The following SLC25A26 variants were observed in gnomAD, a reference collection of about 807,000 sequenced individuals.
SLC25A26 encodes the protein mitochondrial S-adenosylmethionine carrier protein.
Under a neutral mutation model 37.8 loss-of-function variants are expected in SLC25A26, and 36 were observed. The observed-to-expected ratio is 0.95, with a 90% confidence interval of 0.73 to 1.26. The LOEUF (loss-of-function observed/expected upper bound fraction) is 1.26, where lower values mean the gene tolerates loss of function less well. Ranked by LOEUF, SLC25A26 falls within the 50% of genes most tolerant of loss-of-function variation. SLC25A26 has a pLI of 0.00. For missense variants in SLC25A26, 390 were observed against 331.1 expected, an observed-to-expected ratio of 1.18 and a Z score of -1.38; for synonymous variants, 129 against 122.5, an observed-to-expected ratio of 1.05 and a Z score of -0.35.
intron 1 of SLC25A26, among the ~76,000 whole-genome samples, chr3:66,186,480 T>G (rs2070830120): frequency 6.6e-6 from 1 of 152,138 alleles, no homozygotes; most frequent in African/African-American, 2.4e-5. Flanking sequence ...ATCATCACTC[T>G]GACCCTGACC....
At chr3:66,285,978 C>G (rs2074500152) in intron 5 of SLC25A26, among the ~76,000 whole-genome samples, 1 of 152,176 alleles carries the variant, frequency 6.6e-6, no homozygotes. Context: ...TGTTGAACAT[C>G]TTTTCATATG....
chr3:66,243,156 A>C, intron 2 of SLC25A26, 47 bp from the exon 3 acceptor site: 1 of 885,478 alleles, frequency 1.1e-6, no homozygotes, highest in Non-Finnish European at 1.9e-6. Context: ...TAACAGTGTG[A>C]ATATATGTTT....
chr3:66,194,716 G>C (rs893996783), intron 1 of SLC25A26, among the ~76,000 whole-genome samples: 3 of 152,166 alleles, frequency 2.0e-5, no homozygotes, highest in Non-Finnish European at 4.4e-5. Flanking sequence ...ATTCTCCTGA[G>C]TCAGCCTCCC....
At chr3:66,276,438 A>G (rs2074149968) in intron 5 of SLC25A26, among the ~76,000 whole-genome samples, 2 of 152,128 alleles carry the variant, frequency 1.3e-5, no homozygotes, top group African/African-American at 2.4e-5. Flanking sequence ...GACTTGAACC[A>G]AATCTTGACC....
At chr3:66,305,549 C>A (rs1271836995) in intron 5 of SLC25A26, among the ~76,000 whole-genome samples, 1 of 152,094 alleles carries the variant, frequency 6.6e-6, no homozygotes, top group Non-Finnish European at 1.5e-5. Context: ...CTGCACCTGT[C>A]AACCCATCAC....
chr3:66,138,768 C>G (rs1451662322), intron 1 of SLC25A26, among the ~76,000 whole-genome samples: 1 of 152,062 alleles, frequency 6.6e-6, no homozygotes, highest in Non-Finnish European at 1.5e-5. Context: ...GTCCTGGATA[C>G]GGGCATCGGT....
chr3:66,136,409 G>C (rs1032665296), intron 1 of SLC25A26, among the ~76,000 whole-genome samples: 17 of 152,136 alleles, frequency 1.1e-4, no homozygotes, highest in African/African-American at 3.4e-4. Context: ...ACTCTCCATT[G>C]GCCTATAGAT....
At chr3:66,326,703 A>G (rs1207214749) in intron 5 of SLC25A26, among the ~76,000 whole-genome samples, 1 of 152,184 alleles carries the variant, frequency 6.6e-6, no homozygotes, top group African/African-American at 2.4e-5. Flanking sequence ...TCCTGCCTCC[A>G]ATTTTCCACC....
At chr3:66,279,918 T>G (rs996412419) in intron 5 of SLC25A26, among the ~76,000 whole-genome samples, 12 of 152,168 alleles carry the variant, frequency 7.9e-5, no homozygotes, top group African/African-American at 2.9e-4. Flanking sequence ...GGGACAAAAT[T>G]TATTATCCTT....
intron 1 of SLC25A26, among the ~76,000 whole-genome samples, chr3:66,221,975 T>G (rs2071516623): frequency 6.6e-6 from 1 of 151,926 alleles, no homozygotes; most frequent in Non-Finnish European, 1.5e-5. Context: ...GTGAACAAGA[T>G]AGACCTGCTC....
At chr3:66,183,093 T>G (rs1426516986) in intron 1 of SLC25A26, among the ~76,000 whole-genome samples, 1 of 152,090 alleles carries the variant, frequency 6.6e-6, no homozygotes, top group Admixed American at 6.6e-5. Flanking sequence ...CAAAAAGTGT[T>G]GGTGACCCTT....
chr3:66,199,163 T>A (rs1476060589), intron 1 of SLC25A26, among the ~76,000 whole-genome samples: 1 of 151,744 alleles, frequency 6.6e-6, no homozygotes, highest in Non-Finnish European at 1.5e-5. Flanking sequence ...CTGCCCTACC[T>A]CTGACCATCA....
intron 1 of SLC25A26, among the ~76,000 whole-genome samples, chr3:66,214,547 T>G (rs2071332931): frequency 6.6e-6 from 1 of 152,234 alleles, no homozygotes; most frequent in Non-Finnish European, 1.5e-5. Context: ...GTTGGTGTTT[T>G]AATTTTCATT....
intron 5 of SLC25A26, among the ~76,000 whole-genome samples, chr3:66,282,036 G>A (rs1338855195): frequency 8.5e-6 from 1 of 118,258 alleles, no homozygotes; most frequent in Non-Finnish European, 1.6e-5. Flanking sequence ...ACGGAGTCTC[G>A]CTCTGTCGCC....
intron 1 of SLC25A26, among the ~76,000 whole-genome samples, chr3:66,171,045 C>T (rs1241334889): frequency 6.6e-6 from 1 of 151,570 alleles, no homozygotes; most frequent in African/African-American, 2.4e-5. Context: ...CCTCGTGATC[C>T]GCCCGCCTCG....
chr3:66,332,283 C>G (rs1281279866), intron 5 of SLC25A26, among the ~76,000 whole-genome samples: 1 of 152,052 alleles, frequency 6.6e-6, no homozygotes, highest in Non-Finnish European at 1.5e-5. Flanking sequence ...TGTGTTTAGC[C>G]CTTCTTCCAA....
At position 66,133,986 on chromosome 3, in the gene SLC25A26, T is replaced by C. The variant is rs2069908854; in HGVS notation, c.-354+2T>C. 1 of 152,178 alleles carries C rather than the reference T, an allele frequency of 6.6e-6. No individual in the cohort carries two copies. The highest frequency in any genetic ancestry group is 6.5e-5 in the Admixed American group (1 of 15,278). 9.4% of individuals were successfully genotyped at this position (152,178 alleles called of 1,614,324 possible). A position where few individuals can be genotyped will look rare whatever the true frequency, so the allele number is the denominator to read the frequency against. On this transcript the variant is annotated splice_donor_variant, in intron 1 of 10. Transcript: ENST00000676754. LOFTEE classifies it low-confidence loss of function (5UTR_SPLICE). ...AGAAAATGCATCTTCACATTGCAGG[T>C]ACTCAATTAGATTTATTTCTAATAC... is the stretch of plus-strand genomic sequence containing the variant.
chr3:66,236,286 A>T (rs915419016), intron 1 of SLC25A26, among the ~76,000 whole-genome samples: 1 of 149,096 alleles, frequency 6.7e-6, no homozygotes, highest in African/African-American at 2.5e-5. Context: ...AATTTTGTTT[A>T]AAAATTTTTT....
chr3:66,173,323 A>G (rs930100940), intron 1 of SLC25A26, among the ~76,000 whole-genome samples: 20 of 152,246 alleles, frequency 1.3e-4, no homozygotes, highest in African/African-American at 4.6e-4. Context: ...TAATGGTATA[A>G]TGCAGATTGA....
Sources: allele counts gnomAD v4.1 joint callset (sites outside exome capture counted in the v4.1 genomes callset), GRCh38; gene constraint gnomAD v4.1.1; transcripts MANE v1.5; gene names NCBI Gene and HGNC (gene_info 2026-07-23, HGNC 2026-07-21).